C1orf167: variants seen among roughly 807,000 people sequenced by gnomAD.
The protein encoded by C1orf167 is chromosome 1 open reading frame 167.
In C1orf167, 153 loss-of-function variants were observed where a neutral mutation model predicts 176.5. The observed-to-expected ratio is 0.87, with a 90% CI of 0.76 to 0.99. The LOEUF (loss-of-function observed/expected upper bound fraction) is 0.99, where lower values mean the gene tolerates loss of function less well. Ranked by LOEUF, C1orf167 falls within the 50% of genes least tolerant of loss-of-function variation. The pLI is 0.00. For missense variants in C1orf167, 1,490 were observed against 1,817.7 expected (o/e 0.82, Z 3.28); for synonymous variants, 594 against 752.7 (o/e 0.79, Z 3.45).
Position 11,788,173 on chromosome 1 carries a change from A to G in C1orf167, c.3873A>G (p.Glu1291=), listed in dbSNP as rs1247960473. Residue 1291 remains glutamate (E), a synonymous_variant, in exon 19 of 21, where the codon GAA becomes GAG. Coordinates refer to ENST00000688073, the MANE Select transcript of C1orf167 (RefSeq NM_001010881.2). The part of the protein sequence containing the change: ...RLRARSCRIL[E]KQAQAHGSAL... Reference sequence around the variant, plus strand: ...GTGCTCGTTCCTGCAGGATCCTGGAAAAGCAGGCCCAGGCCCATGGCTCTG... The same window carrying G: ...GTGCTCGTTCCTGCAGGATCCTGGAGAAGCAGGCCCAGGCCCATGGCTCTG... The G allele has an allele frequency of 1.5e-6, 2 of 1,290,848 alleles. No individual in the cohort carries two copies. The highest frequency in any genetic ancestry group is 2.3e-5 in the Admixed American group (1 of 43,208). 80.0% of individuals were successfully genotyped at this position (1,290,848 alleles called of 1,614,324 possible). A position where few individuals can be genotyped will look rare whatever the true frequency, so the allele number is the denominator to read the frequency against.
rs1642686613 is a variant in C1orf167, at chr1:11,764,407, C to A, written c.7C>A (p.Leu3Ile). 2.3e-6 allele frequency: 3 copies of A among 1,289,294 alleles called. No individual in the cohort carries two copies. In the South Asian group the frequency reaches 3.7e-5, roughly 16 times the overall value. 79.9% of individuals were successfully genotyped at this position (1,289,294 alleles called of 1,614,324 possible). MELRSDASHKENV... is the reference protein window; with the variant it reads MEIRSDASHKENV... ...TACTCCTGTCCCTGAGCCCATGGAG[C>A]TAAGGTCTGATGCCAGCCACAAGGA... is the stretch of plus-strand genomic sequence containing the variant. Residue 3 changes from leucine to isoleucine, a missense_variant, in exon 2 of 21, where the codon CTA becomes ATA. Coordinates refer to ENST00000688073, the MANE Select transcript of C1orf167 (RefSeq NM_001010881.2).
intron 9 of C1orf167, among the ~76,000 whole-genome samples, chr1:11,776,176 G>A (rs141567582): frequency 0.11 from 16,962 of 152,242 alleles, 1,036 homozygotes; most frequent in South Asian, 0.19. Flanking sequence ...AGGATCGCTT[G>A]AACCCAGGAG....
In C1orf167 at chr1:11,766,468, C is replaced by T; in HGVS notation, c.682C>T (p.Gln228Ter). The change falls in exon 3 of 21, where the codon CAG (glutamine) becomes TAG (stop). Residue 228 changes from glutamine (Q) to a stop codon, truncating the protein, a stop_gained. Transcript: ENST00000688073. LOFTEE classifies it high-confidence loss of function. The surrounding 1 kb of genome is among the most constrained non-coding windows in gnomAD (Gnocchi z 4.5). ...GGACCTGGCTGTCCCCAGTCAGAAC[C>T]AGACTCAGGCCCCATCCCGTGCTGC... Reference protein sequence around the residue: ...LEDLAVPSQNQTQAPSRAAVH... With the variant: ...LEDLAVPSQN 7.8e-7 allele frequency: 1 copy of T among 1,287,202 alleles called. No individual in the cohort carries two copies. Among genetic ancestry groups the T allele is most frequent in the Non-Finnish European group, 1.0e-6 (1 of 987,528 alleles). The allele number at this position is 1,287,202 out of a possible 1,614,324, so 79.7% of individuals were successfully genotyped here. A position where few individuals can be genotyped will look rare whatever the true frequency, so the allele number is the denominator to read the frequency against.
chr1:11,787,975 G>GACCAAGA lies in C1orf167; in HGVS notation c.3777_3783dup (p.Ala1262ThrfsTer8). The stretch of plus-strand genomic sequence containing the variant: ...CTGCCCCTGTGGACGAGGGACCAGG[G>GACCAAGA]ACCAAGAGCGCACTCCAGCCCTGAG... On this transcript the variant is annotated frameshift_variant, in exon 18 of 21. Coordinates refer to ENST00000688073, the MANE Select transcript of C1orf167 (RefSeq NM_001010881.2). LOFTEE classifies it high-confidence loss of function. The GACCAAGA allele has an allele frequency of 7.7e-7, 1 of 1,304,264 alleles. No homozygotes were observed. 80.8% of individuals were successfully genotyped at this position (1,304,264 alleles called of 1,614,324 possible).
intron 13 of C1orf167, 71 bp downstream of exon 13, chr1:11,780,081 A>C (rs1643524803): frequency 8.8e-7 from 1 of 1,131,738 alleles, no homozygotes; most frequent in Non-Finnish European, 1.1e-6. Flanking sequence ...CCCAGACTGC[A>C]GCCCTGGCCA....
intron 10 of C1orf167, 116 bp downstream of exon 10, chr1:11,776,754 G>T: frequency 1.0e-6 from 1 of 953,786 alleles, no homozygotes; most frequent in South Asian, 1.8e-5. Context: ...GGCAGTAACT[G>T]CATCCCACTC....
At position 11,785,256 on chromosome 1, in the gene C1orf167, C is replaced by T; in HGVS notation, c.3534C>T (p.Leu1178=). The change falls in exon 16 of 21, where the codon CTC becomes CTT. Residue 1178 remains leucine, a synonymous_variant. Coordinates refer to ENST00000688073, the MANE Select transcript of C1orf167 (RefSeq NM_001010881.2). ...GGCGCTTCCTGCGGACAGTGCAGCT[C>T]AGGGTGCGGCTGGGACTGCCAGGGG... ...ELRRFLRTVQ[L]RVRLGLPGAG... 1 of 1,289,532 alleles carries T rather than the reference C, an allele frequency of 7.8e-7. No homozygotes were observed. 79.9% of individuals were successfully genotyped at this position (1,289,532 alleles called of 1,614,324 possible).
intron 16 of C1orf167, 33 bp from the exon 17 acceptor site, chr1:11,787,355 G>A (rs1015511592): frequency 8.1e-7 from 1 of 1,239,850 alleles, no homozygotes; most frequent in Non-Finnish European, 1.0e-6. Context: ...AAGCCCATGG[G>A]GTTCAGGTGC....
rs778816742 is a variant in C1orf167, at chr1:11,767,210, T to A, written c.1300-11T>A. 1 of 1,289,668 alleles carries A rather than the reference T, an allele frequency of 7.8e-7. No homozygotes were observed. The highest frequency in any genetic ancestry group is 1.0e-6 in the Non-Finnish European group (1 of 988,836). 79.9% of individuals were successfully genotyped at this position (1,289,668 alleles called of 1,614,324 possible). ...GCCTGAGAACTGTGTTATGTACTCT[T>A]GCTTTCCCAGAACAAGGCACAAAAC... On this transcript the variant is annotated splice_polypyrimidine_tract_variant and intron_variant, in intron 3 of 20. Coordinates refer to ENST00000688073, the MANE Select transcript of C1orf167 (RefSeq NM_001010881.2).
Position 11,779,043 on chromosome 1 carries a change from G to A in C1orf167, c.2614G>A (p.Gly872Ser), listed in dbSNP as rs980431470. 2.7e-5 allele frequency: 35 copies of A among 1,284,622 alleles called. No individual in the cohort carries two copies. The highest frequency in any genetic ancestry group is 1.2e-4 in the Admixed American group (5 of 40,724). The allele number at this position is 1,284,622 out of a possible 1,614,324, so 79.6% of individuals were successfully genotyped here. Reference sequence around the variant, plus strand: ...GCAGGCACGGGCCCAGCAGTTCCAGGGCACAGCCAGGTGGTACCAGCATAC... The same window carrying A: ...GCAGGCACGGGCCCAGCAGTTCCAGAGCACAGCCAGGTGGTACCAGCATAC... ...LWQARAQQFQ[G>S]TARWYQHTRQ... The change falls in exon 12 of 21, where the codon GGC becomes AGC. Residue 872 changes from glycine (G) to serine (S), a missense_variant. By Grantham distance (56) the Gly-to-Ser change is moderately conservative. Coordinates refer to ENST00000688073, the MANE Select transcript of C1orf167 (RefSeq NM_001010881.2).
chr1:11,772,005 T>C, intron 7 of C1orf167, 77 bp from the exon 8 acceptor site: 9 of 1,152,380 alleles, frequency 7.8e-6, no homozygotes, highest in Non-Finnish European at 1.0e-5. Context: ...GCACCCCACA[T>C]GTCAGGGGCC....
In C1orf167 at chr1:11,765,053, C is replaced by CAAAAA. The variant is rs376686533; in HGVS notation, c.70+603_70+607dup. Among the ~76,000 whole-genome samples, 231 of 67,412 alleles carry CAAAAA rather than the reference C, an allele frequency of 3.4e-3. 12 individuals are homozygous for CAAAAA. Among genetic ancestry groups the CAAAAA allele is most frequent in the African/African-American group, 0.014 (194 of 13,876 alleles). 44.2% of individuals were successfully genotyped at this position (67,412 alleles called of 152,430 possible). A position where few individuals can be genotyped will look rare whatever the true frequency, so the allele number is the denominator to read the frequency against. On this transcript the variant is annotated intron_variant, in intron 2 of 20. Transcript: ENST00000688073. Reference sequence around the variant, plus strand: ...TGAGCCACAGAGCAAGACTCTGTCTCAAAAAAAAAAAAAAAAAAAAAAAAG... The same window carrying CAAAAA: ...TGAGCCACAGAGCAAGACTCTGTCTCAAAAAAAAAAAAAAAAAAAAAAAAAAAAAG...
chr1:11,787,623 C>A, intron 17 of C1orf167, 130 bp downstream of exon 17: 1 of 798,708 alleles, frequency 1.3e-6, no homozygotes, highest in Non-Finnish European at 1.7e-6. Flanking sequence ...TCTCCCCATC[C>A]ATTCCCTCTT....
At chr1:11,770,881 T>C (rs1643021797) in intron 6 of C1orf167, among the ~76,000 whole-genome samples, 2 of 150,424 alleles carry the variant, frequency 1.3e-5, no homozygotes, top group African/African-American at 4.9e-5. Context: ...CTCTGCTCAC[T>C]GCCACCTGTG....
intron 1 of C1orf167, among the ~76,000 whole-genome samples, chr1:11,763,411 C>G (rs1034748092): frequency 5.4e-5 from 8 of 148,570 alleles, no homozygotes; most frequent in Admixed American, 2.0e-4. Context: ...CGCCATTGTA[C>G]CAGCCTGGGT....
chr1:11,770,103 A>T (rs1410600835), intron 6 of C1orf167, among the ~76,000 whole-genome samples: 1 of 144,378 alleles, frequency 6.9e-6, no homozygotes, highest in Admixed American at 6.8e-5. Flanking sequence ...ATTTTTATGA[A>T]TATTTGCATA....
At chr1:11,788,118 C>A in intron 18 of C1orf167, 31 bp from the exon 19 acceptor site, 1 of 1,276,722 alleles carries the variant, frequency 7.8e-7, no homozygotes, top group Non-Finnish European at 1.0e-6. Flanking sequence ...CTTGCCTGAG[C>A]CATGGCTACA....
rs78679082 is a variant in C1orf167, at chr1:11,772,212, C to A, written c.1941C>A (p.Ala647=). ...GGCACTCTACTGCTGCAGGTGTAGC[C>A]TGGGTGGCCCCACTGAGCCCCCAGC... ...QAWHSTAAGV[A]WVAPLSPQHQ... is the part of the protein sequence containing the mutation. Residue 647 remains alanine (A), a synonymous_variant, in exon 8 of 21, where the codon GCC becomes GCA. Transcript: ENST00000688073. 2.0e-3 allele frequency: 2,618 copies of A among 1,304,234 alleles called. 43 individuals carry two copies. In the African/African-American group the frequency reaches 0.033, roughly 16 times the overall value. The allele number at this position is 1,304,234 out of a possible 1,614,324, so 80.8% of individuals were successfully genotyped here.
rs1269268921 is a variant in C1orf167 at position 11,778,674 on chromosome 1, G to T, written c.2354G>T (p.Gly785Val). ...CCCTTCTCTAGCTCCTTCTTCCAGG[G>T]CCTGCAGCAGCGGATGCTGCAGCGC... ...QRQWANSFFQ[G>V]LQQRMLQRSL... Residue 785 changes from glycine to valine, a missense_variant, in exon 11 of 21, where the codon GGC becomes GTC. Gly to Val is a moderately radical substitution (Grantham distance 109, BLOSUM62 -3). Coordinates refer to ENST00000688073, the MANE Select transcript of C1orf167 (RefSeq NM_001010881.2). 4.6e-6 allele frequency: 6 copies of T among 1,298,306 alleles called. No individual in the cohort carries two copies. The Admixed American group carries it at 1.4e-4, about 30-fold the overall frequency. 80.4% of individuals were successfully genotyped at this position (1,298,306 alleles called of 1,614,324 possible).
Sources: allele counts gnomAD v4.1 joint callset (sites outside exome capture counted in the v4.1 genomes callset), GRCh38; gene constraint gnomAD v4.1.1; non-coding constraint Gnocchi (gnomAD v3.1); transcripts MANE v1.5; gene names NCBI Gene and HGNC (gene_info 2026-07-23, HGNC 2026-07-21).